FAM219B: variants seen among roughly 807,000 people sequenced by gnomAD.
FAM219B encodes family with sequence similarity 219 member B.
FAM219B carries 18 observed loss-of-function variants against 19.9 expected under a neutral mutation model. The observed-to-expected ratio is 0.91, with a 90% CI of 0.63 to 1.34. FAM219B has a LOEUF of 1.34. Among genes scored for constraint, FAM219B ranks in the 40% most tolerant of loss-of-function variants. FAM219B has a pLI of 0.00. For synonymous variants in FAM219B, 123 were observed against 117.5 expected (o/e 1.05, Z -0.30); for missense variants, 283 against 270.5 (o/e 1.05, Z -0.32).
chr15:74,906,595 G>A lies in FAM219B; in HGVS notation c.206C>T (p.Ala69Val), dbSNP rs1388041568. Reference sequence around the variant, plus strand: ...CATCGGGCCACACTCACGCAGCTTGGCTTGAATGGAGGGTGCGCGCGTCAC... The same window carrying A: ...CATCGGGCCACACTCACGCAGCTTGACTTGAATGGAGGGTGCGCGCGTCAC... ...YMVTRAPSIQ[A>V]KLQKHRDLAK... Residue 69 changes from alanine (A) to valine (V), a missense_variant, in exon 1 of 5, where the codon GCC becomes GTC. Coordinates refer to ENST00000357635, the MANE Select transcript of FAM219B (RefSeq NM_020447.5). 3 of 1,507,296 alleles carry A rather than the reference G, an allele frequency of 2.0e-6. No homozygotes were observed. Among genetic ancestry groups the A allele is most frequent in the African/African-American group, 2.8e-5 (2 of 71,348 alleles). The allele number at this position is 1,507,296 out of a possible 1,614,324, so 93.4% of individuals were successfully genotyped here.
chr15:74,906,263 GGC>G lies in FAM219B; in HGVS notation c.302+13_302+14del. On this transcript the variant is annotated intron_variant, in intron 2 of 4. Transcript: ENST00000357635. ...CTAAAGCTGCTGGCACAGAGGAGGTGGCGCCTGCTGAGACCTTTTCCCTGAAG... is the reference window on the plus strand; with the variant it reads ...CTAAAGCTGCTGGCACAGAGGAGGTGGCCTGCTGAGACCTTTTCCCTGAAG... 6.2e-7 allele frequency: 1 copy of G among 1,612,048 alleles called. No homozygotes were observed. Among genetic ancestry groups the G allele is most frequent in the Non-Finnish European group, 8.5e-7 (1 of 1,179,434 alleles).
rs113275950 is a variant in FAM219B at position 74,906,028 on chromosome 15, G to A, written c.302+250C>T. On this transcript the variant is annotated intron_variant, in intron 2 of 4. Transcript: ENST00000357635. ...GCCACCATTCTCCTCCCTAACAGAGGAGGAGAATGATAGTGAATGAGCCTG... is the reference window on the plus strand; with the variant it reads ...GCCACCATTCTCCTCCCTAACAGAGAAGGAGAATGATAGTGAATGAGCCTG... The A allele has an allele frequency of 1.6e-5, 8 of 486,510 alleles. 1 individual carries two copies. Among genetic ancestry groups the A allele is most frequent in the African/African-American group, 5.9e-5 (3 of 50,964 alleles). The allele number at this position is 486,510 out of a possible 1,614,324, so 30.1% of individuals were successfully genotyped here.
At chr15:74,902,896 C>G (rs2065022824) in intron 4 of FAM219B, 110 bp from the exon 5 acceptor site, 3 of 1,177,212 alleles carry the variant, frequency 2.5e-6, no homozygotes, top group Non-Finnish European at 2.4e-6. Context: ...CATGTCCCAC[C>G]CCAGGCCAAC....
At chr15:74,906,449 G>GGC in intron 1 of FAM219B, 84 bp from the exon 2 acceptor site, 12 of 1,544,832 alleles carry the variant, frequency 7.8e-6, no homozygotes, top group Non-Finnish European at 1.1e-5. Flanking sequence ...CTTTCCGAAC[G>GGC]GATTTTGAGG....
intron 4 of FAM219B, among the ~76,000 whole-genome samples, chr15:74,903,616 A>G (rs1239048969): frequency 1.4e-5 from 2 of 146,876 alleles, no homozygotes; most frequent in Admixed American, 6.7e-5. Context: ...AAAAAAAAAA[A>G]AAAAAAAAGA....
chr15:74,902,866 C>T (rs984487993), intron 4 of FAM219B, 80 bp from the exon 5 acceptor site: 17 of 1,496,658 alleles, frequency 1.1e-5, no homozygotes, highest in Admixed American at 6.0e-5. Flanking sequence ...AACCACATTC[C>T]GTTACCAGGG....
At chr15:74,898,011 TC>T (rs1341464513), downstream of FAM219B, 1 of 501,150 alleles carries the variant, frequency 2.0e-6, no homozygotes, top group Admixed American at 3.1e-5. Flanking sequence ...CCAACTCTGT[TC>T]CAGCCTATGG....
chr15:74,903,600 C>CAAAAA (rs60354993), intron 4 of FAM219B, among the ~76,000 whole-genome samples: 30 of 46,096 alleles, frequency 6.5e-4, no homozygotes, highest in African/African-American at 1.5e-3. Context: ...GACTCTGTCT[C>CAAAAA]AAAAAAAAAA....
chr15:74,904,418 C>G (rs1211619686), intron 4 of FAM219B, among the ~76,000 whole-genome samples: 1 of 152,194 alleles, frequency 6.6e-6, no homozygotes, highest in Non-Finnish European at 1.5e-5. Flanking sequence ...CATGTACCAC[C>G]ATGCCCAGCT....
In FAM219B at chr15:74,906,562, C is replaced by T. The variant is rs1323199999; in HGVS notation, c.214+25G>A. On this transcript the variant is annotated intron_variant, in intron 1 of 4. Coordinates refer to ENST00000357635, the MANE Select transcript of FAM219B (RefSeq NM_020447.5). ...CGGCCGCCCGCCCAGGGAGAAACCT[C>T]CCCCGACCATCGGGCCACACTCACG... 6 of 1,487,570 alleles carry T rather than the reference C, an allele frequency of 4.0e-6. No homozygotes were observed. The Admixed American group carries it at 1.2e-4, about 31-fold the overall frequency. 92.1% of individuals were successfully genotyped at this position (1,487,570 alleles called of 1,614,324 possible).
Position 74,906,084 on chromosome 15 carries a change from CCTTT to C in FAM219B, c.302+190_302+193del, listed in dbSNP as rs1272036334. 4.9e-6 allele frequency: 3 copies of C among 613,602 alleles called. No individual in the cohort carries two copies. The East Asian group carries it at 8.5e-5, about 17-fold the overall frequency. 38.0% of individuals were successfully genotyped at this position (613,602 alleles called of 1,614,324 possible). On this transcript the variant is annotated intron_variant, in intron 2 of 4. Coordinates refer to ENST00000357635, the MANE Select transcript of FAM219B (RefSeq NM_020447.5). ...TCACAGAACTCCCTTATTCCGAAGC[CCTTT>C]ATCTGATCCTATCACATCCTTAAAG...
intron 1 of FAM219B, 42 bp from the exon 2 acceptor site, chr15:74,906,407 C>A: frequency 6.3e-7 from 1 of 1,575,476 alleles, no homozygotes; most frequent in African/African-American, 1.4e-5. Flanking sequence ...CTTCCCCACT[C>A]CGCCGCGTCT....
At chr15:74,898,122 TG>T, downstream of FAM219B, 1 of 357,514 alleles carries the variant, frequency 2.8e-6, no homozygotes, top group Non-Finnish European at 5.5e-6. Flanking sequence ...GCGATGGGAC[TG>T]CCCATTTCCT....
intron 4 of FAM219B, among the ~76,000 whole-genome samples, chr15:74,903,137 T>C (rs1033486006): frequency 1.3e-5 from 2 of 152,098 alleles, no homozygotes; most frequent in African/African-American, 4.8e-5. Context: ...CTGAAGAATA[T>C]GGGATAATAA....
At chr15:74,906,177 A>G (rs990559832) in intron 2 of FAM219B, 101 bp downstream of exon 2, 3 of 1,198,944 alleles carry the variant, frequency 2.5e-6, no homozygotes, top group Non-Finnish European at 3.5e-6. Context: ...GCATCAGGGG[A>G]ATCGCTAGCT....
Position 74,902,650 on chromosome 15 carries a change from A to G in FAM219B, c.566T>C (p.Leu189Pro), listed in dbSNP as rs941663628. The change falls in exon 5 of 5, where the codon CTT becomes CCT. Residue 189 changes from leucine to proline, a missense_variant. By Grantham distance (98) the Leu-to-Pro change is moderately conservative. Coordinates refer to ENST00000357635, the MANE Select transcript of FAM219B (RefSeq NM_020447.5). ...GAGGGTACAGGAAGAAGAGTCCCCA[A>G]GACAGCACCAGCAGCAGGAGCATGT... ...SSTCSCCWCC[L>P]GDSSSCTLQ The G allele has an allele frequency of 1.1e-5, 17 of 1,612,776 alleles. No individual in the cohort carries two copies. The highest frequency in any genetic ancestry group is 1.4e-5 in the Non-Finnish European group (17 of 1,179,354).
At chr15:74,905,371 G>A in intron 2 of FAM219B, 140 bp from the exon 3 acceptor site, 2 of 723,348 alleles carry the variant, frequency 2.8e-6, no homozygotes, top group Non-Finnish European at 2.4e-6. Context: ...AGCCACCACT[G>A]CCTGCAGCTC....
In FAM219B at chr15:74,906,818, C is replaced by A; in HGVS notation, c.-18G>T. ...GTCGCCATGGCCGGGCCCCGCCCTG[C>A]CGGATGGTGCAACCCCGCCCGTGGC... On this transcript the variant is annotated 5_prime_UTR_variant, in exon 1 of 5. Coordinates refer to ENST00000357635, the MANE Select transcript of FAM219B (RefSeq NM_020447.5). 1 of 1,274,494 alleles carries A rather than the reference C, an allele frequency of 7.8e-7. No homozygotes were observed. Among genetic ancestry groups the A allele is most frequent in the South Asian group, 3.0e-5 (1 of 33,692 alleles). The allele number at this position is 1,274,494 out of a possible 1,614,324, so 78.9% of individuals were successfully genotyped here.
intron 1 of FAM219B, 94 bp downstream of exon 1, chr15:74,906,493 C>T (rs1391926183): frequency 6.7e-7 from 1 of 1,491,852 alleles, no homozygotes; most frequent in Non-Finnish European, 9.0e-7. Context: ...CCCTTCCCTC[C>T]GGGGCCGAGG....
Sources: gnomAD v4.1 joint callset for allele counts (sites outside exome capture counted in the v4.1 genomes callset) on GRCh38, gnomAD v4.1.1 for gene constraint, MANE v1.5 for transcripts, NCBI Gene and HGNC (gene_info 2026-07-23, HGNC 2026-07-21) for gene names.